The following NPC2 variants were observed in gnomAD, a reference collection of about 807,000 sequenced individuals.
NPC2 encodes NPC intracellular cholesterol transporter 2, also known as Niemann-Pick disease type C2 protein.
In NPC2, 14 loss-of-function variants were observed where a neutral mutation model predicts 17.0. That is an observed-to-expected ratio of 0.82 (90% CI 0.54 to 1.29). NPC2 has a LOEUF of 1.29. NPC2 is among the 50% of genes most tolerant of loss of function. The pLI is 0.00. For missense variants in NPC2, 167 were observed against 183.4 expected (o/e 0.91, Z 0.52); for synonymous variants, 75 against 69.3 (o/e 1.08, Z -0.41).
intron 2 of NPC2, among the ~76,000 whole-genome samples, chr14:74,485,294 C>CAAAAAAAAAAAAAAAAAAAAAA (rs61395005): frequency 1.4e-4 from 10 of 71,328 alleles, no homozygotes; most frequent in African/African-American, 6.2e-4. Flanking sequence ...GACTCTGTCA[C>CAAAAAAAAAAAAAAAAAAAAAA]AAAAAAAAAA....
rs767777518 is a variant in NPC2 at position 74,480,221 on chromosome 14, G to C, written c.*53C>G. The stretch of plus-strand genomic sequence containing the variant: ...TTGAAGCAGCAGAGCTGGAGGTGCT[G>C]TCAAGAGTCTCAGCAGACTCATTGG... On this transcript the variant is annotated 3_prime_UTR_variant, in exon 5 of 5. Transcript: ENST00000555619. 1 of 1,614,132 alleles carries C rather than the reference G, an allele frequency of 6.2e-7. No homozygotes were observed.
Position 74,484,494 on chromosome 14 carries a change from C to T in NPC2, c.284G>A (p.Ser95Asn). The change falls in exon 3 of 5, where the codon AGT becomes AAT. Residue 95 changes from serine (S) to asparagine (N), a missense_variant. Coordinates refer to ENST00000555619, the MANE Select transcript of NPC2 (RefSeq NM_006432.5). ...TTTTTGGATAGGGCAGTTAATTCCA[C>T]TCTTACAACCATCAGGCTCAGGAAT... is the stretch of plus-strand genomic sequence containing the variant. The part of the protein sequence containing the change: ...FPIPEPDGCK[S>N]GINCPIQKDK... The T allele has an allele frequency of 6.2e-7, 1 of 1,614,108 alleles. No individual in the cohort carries two copies. Among genetic ancestry groups the T allele is most frequent in the Non-Finnish European group, 8.5e-7 (1 of 1,180,012 alleles).
In NPC2 at chr14:74,480,251, A is replaced by G; in HGVS notation, c.*23T>C. ...GAGTCTCAGCAGACTCATTGGCCAG[A>G]TGCACCGAACTCAATGAGGCACTTA... On this transcript the variant is annotated 3_prime_UTR_variant, in exon 5 of 5. Coordinates refer to ENST00000555619, the MANE Select transcript of NPC2 (RefSeq NM_006432.5). 1 of 1,614,174 alleles carries G rather than the reference A, an allele frequency of 6.2e-7. No homozygotes were observed.
At chr14:74,480,468 C>T (rs1222753620) in intron 4 of NPC2, 180 bp from the exon 5 acceptor site, 1 of 761,366 alleles carries the variant, frequency 1.3e-6, no homozygotes, top group African/African-American at 1.7e-5. Context: ...TCAATCTCTA[C>T]AGTCTCACTC....
chr14:74,480,291 G>A lies in NPC2; in HGVS notation c.442-3C>T. The A allele has an allele frequency of 6.2e-7, 1 of 1,612,670 alleles. No individual in the cohort carries two copies. The highest frequency in any genetic ancestry group is 8.5e-7 in the Non-Finnish European group (1 of 1,179,104). On this transcript the variant is annotated splice_region_variant and splice_polypyrimidine_tract_variant and intron_variant, in intron 4 of 4. Coordinates refer to ENST00000555619, the MANE Select transcript of NPC2 (RefSeq NM_006432.5). ...TGAGGCACTTAGAGATGAGAAACCT[G>A]TGGATGTAATGTCCCAGCTCAGTGG...
At chr14:74,483,478 G>T (rs1308511087) in intron 3 of NPC2, 2 of 1,564,258 alleles carry the variant, frequency 1.3e-6, no homozygotes, top group Non-Finnish European at 8.8e-7. Flanking sequence ...AAAAGAAACA[G>T]CCTAAAAAGA....
At chr14:74,490,594 A>G (rs1255279024) in intron 1 of NPC2, among the ~76,000 whole-genome samples, 1 of 152,246 alleles carries the variant, frequency 6.6e-6, no homozygotes, top group African/African-American at 2.4e-5. Context: ...AGTAAAGGGT[A>G]GTACTTATAG....
chr14:74,483,985 T>C (rs879050785), intron 3 of NPC2, among the ~76,000 whole-genome samples: 4 of 152,292 alleles, frequency 2.6e-5, no homozygotes, highest in South Asian at 2.1e-4. Flanking sequence ...TATATTCTAA[T>C]TGAAATTGTG....
intron 3 of NPC2, chr14:74,482,955 T>G: frequency 1.6e-6 from 1 of 615,584 alleles, no homozygotes. Flanking sequence ...GAATCATCAG[T>G]ATTTAAACAG....
intron 3 of NPC2, chr14:74,483,555 C>A: frequency 7.1e-7 from 1 of 1,408,316 alleles, no homozygotes; most frequent in Non-Finnish European, 9.5e-7. Context: ...GAATGAAGAA[C>A]TATTGCCTAA....
At chr14:74,493,462 C>T (rs1380277665), upstream of NPC2, 2 of 1,348,096 alleles carry the variant, frequency 1.5e-6, no homozygotes, top group Admixed American at 4.1e-5. The surrounding 1 kb of genome is among the most constrained non-coding windows in gnomAD (Gnocchi z 4.1). Context: ...GGCCCAGAAG[C>T]CTGCAGTCTC....
At chr14:74,481,129 A>G (rs1369241279) in intron 3 of NPC2, among the ~76,000 whole-genome samples, 1 of 152,178 alleles carries the variant, frequency 6.6e-6, no homozygotes, top group African/African-American at 2.4e-5. Flanking sequence ...GTGACCTCCA[A>G]TGTTGGAGGT....
intron 3 of NPC2, among the ~76,000 whole-genome samples, chr14:74,482,674 A>G (rs1482241545): frequency 1.3e-5 from 2 of 152,240 alleles, no homozygotes; most frequent in African/African-American, 4.8e-5. Flanking sequence ...CTTTGGAGTT[A>G]TAAGACCCAG....
intron 1 of NPC2, among the ~76,000 whole-genome samples, chr14:74,489,500 T>C (rs1169933500): frequency 1.3e-5 from 2 of 151,992 alleles, no homozygotes; most frequent in African/African-American, 4.8e-5. Context: ...AATCTACAGA[T>C]GTATACTCGA....
intron 3 of NPC2, among the ~76,000 whole-genome samples, chr14:74,481,578 T>A (rs2086656101): frequency 6.6e-6 from 1 of 151,938 alleles, no homozygotes; most frequent in Admixed American, 6.6e-5. Flanking sequence ...GAGCAGAGAG[T>A]AAAAAAAATT....
chr14:74,486,182 T>C (rs758655691), intron 2 of NPC2, 147 bp downstream of exon 2: 1 of 800,196 alleles, frequency 1.2e-6, no homozygotes, highest in Non-Finnish European at 2.1e-6. Context: ...AAGGGCACAG[T>C]GAACCCTAGC....
chr14:74,493,146 G>A lies in NPC2; in HGVS notation c.82+47C>T. The A allele has an allele frequency of 6.4e-7, 1 of 1,573,588 alleles. No individual in the cohort carries two copies. The highest frequency in any genetic ancestry group is 8.6e-7 in the Non-Finnish European group (1 of 1,160,152). On this transcript the variant is annotated intron_variant, in intron 1 of 4. Transcript: ENST00000555619. The surrounding 1 kb of genome is among the most constrained non-coding windows in gnomAD (Gnocchi z 4.1). ...GGGTCTCAGCGCGGGGGTCCGGCGG[G>A]GCCTTCCACAGAGGGCGCGGGAACC...
At chr14:74,485,294 CAAAAAAAAAAAAAAAA>C (rs61395005) in intron 2 of NPC2, among the ~76,000 whole-genome samples, 7 of 71,332 alleles carry the variant, frequency 9.8e-5, no homozygotes, top group East Asian at 3.8e-4. Flanking sequence ...GACTCTGTCA[CAAAAAAAAAAAAAAAA>C]AAAAAAAAAA....
intron 2 of NPC2, 118 bp from the exon 3 acceptor site, chr14:74,484,705 T>A: frequency 1.2e-6 from 1 of 867,454 alleles, no homozygotes; most frequent in Non-Finnish European, 1.8e-6. Flanking sequence ...CTCTTGATAG[T>A]GGTGCTTGGT....
Sources: allele counts gnomAD v4.1 joint callset (sites outside exome capture counted in the v4.1 genomes callset), GRCh38; gene constraint gnomAD v4.1.1; non-coding constraint Gnocchi (gnomAD v3.1); transcripts MANE v1.5; gene names NCBI Gene and HGNC (gene_info 2026-07-23, HGNC 2026-07-21).